TPO: variants seen among roughly 807,000 people sequenced by gnomAD.
TPO encodes thyroid peroxidase.
A neutral mutation model predicts 96.9 loss-of-function variants in TPO; 78 were observed. The observed-to-expected ratio is 0.81, with a 90% confidence interval of 0.67 to 0.97. The LOEUF is 0.97. Ranked by LOEUF, TPO falls within the 50% of genes least tolerant of loss-of-function variation. TPO has a pLI of 0.00. For synonymous variants in TPO, 547 were observed against 538.0 expected (o/e 1.02, Z -0.23); for missense variants, 1,252 against 1,274.8 (o/e 0.98, Z 0.27).
intron 14 of TPO, among the ~76,000 whole-genome samples, chr2:1,516,659 GCCCTGTGTC>G (rs1219458678): frequency 6.6e-6 from 1 of 152,206 alleles, no homozygotes; most frequent in African/African-American, 2.4e-5. Flanking sequence ...TAACTTCTCT[GCCCTGTGTC>G]CCCTGCTGGC....
At chr2:1,529,935 TCCCCATATCCC>T (rs1677674671) in intron 15 of TPO, among the ~76,000 whole-genome samples, 1 of 10,570 alleles carries the variant, frequency 9.5e-5, no homozygotes, top group Non-Finnish European at 1.8e-4. Flanking sequence ...CCTTGCAGCC[TCCCCATATCCC>T]CCCAACTCTG....
chr2:1,538,122 CACTGTGTTCAACCTTCTCAAATACCCCAT>C (rs1331799142), intron 15 of TPO, among the ~76,000 whole-genome samples: 8 of 110,596 alleles, frequency 7.2e-5, no homozygotes, highest in East Asian at 2.1e-4. Context: ...CAAATCCCCG[CACTGTGTTCAACCTTCTCAAATACCCCAT>C]ACTGTGTACA....
intron 1 of TPO, among the ~76,000 whole-genome samples, chr2:1,390,087 G>A (rs567251212): frequency 5.3e-4 from 80 of 151,064 alleles, no homozygotes; most frequent in Non-Finnish European, 1.1e-3. Context: ...TGATACATGG[G>A]TGTACATGTG....
chr2:1,489,332 G>A lies in TPO; in HGVS notation c.1768+1341G>A, dbSNP rs147931599. On this transcript the variant is annotated intron_variant, in intron 10 of 16. Coordinates refer to ENST00000329066, the MANE Select transcript of TPO (RefSeq NM_001206744.2). ...CCCACACATGCCCAGCACACACCTTGCCTCTGGCTGGGACCCCCTTTGCTG... is the reference window on the plus strand; with the variant it reads ...CCCACACATGCCCAGCACACACCTTACCTCTGGCTGGGACCCCCTTTGCTG... 1.7e-3 allele frequency among the ~76,000 whole-genome samples: 257 copies of A among 152,072 alleles called. 1 individual carries two copies. The highest frequency in any genetic ancestry group is 6.1e-3 in the African/African-American group (253 of 41,484).
rs1004886709 is a variant in TPO, at chr2:1,541,273, C to T, written c.2748+550C>T. On this transcript the variant is annotated intron_variant, in intron 16 of 16. Transcript: ENST00000329066. The stretch of plus-strand genomic sequence containing the variant: ...CTGGTCACAGGCACAAAGTCTCAGG[C>T]AGGAGGAGGGCGCCTCAGGTCTGCT... The T allele has an allele frequency of 1.1e-5, 11 of 980,152 alleles. No individual in the cohort carries two copies. In the African/African-American group the frequency reaches 1.2e-4, roughly 11 times the overall value. 60.7% of individuals were successfully genotyped at this position (980,152 alleles called of 1,614,324 possible).
At chr2:1,482,170 C>T (rs1200372648) in intron 8 of TPO, among the ~76,000 whole-genome samples, 3 of 152,210 alleles carry the variant, frequency 2.0e-5, no homozygotes, top group East Asian at 1.9e-4. Flanking sequence ...CCAGGGGCTA[C>T]GCGGCTGTTT....
chr2:1,391,579 G>A (rs1474866485), intron 1 of TPO, among the ~76,000 whole-genome samples: 2 of 152,072 alleles, frequency 1.3e-5, no homozygotes, highest in African/African-American at 2.4e-5. Flanking sequence ...GATGGGGATG[G>A]CATTGAATCT....
intron 4 of TPO, among the ~76,000 whole-genome samples, chr2:1,435,858 C>T (rs1014251954): frequency 1.3e-5 from 2 of 152,142 alleles, no homozygotes; most frequent in African/African-American, 2.4e-5. Flanking sequence ...TCTTCTAAAG[C>T]ACTGGGGCCA....
At chr2:1,512,307 C>A in intron 14 of TPO, 1 of 736,588 alleles carries the variant, frequency 1.4e-6, no homozygotes, top group Non-Finnish European at 1.7e-6. Context: ...CCAAATGTGT[C>A]TCTAGAGTTG....
intron 10 of TPO, 111 bp from the exon 11 acceptor site, chr2:1,493,691 C>G (rs1229568882): frequency 3.1e-6 from 4 of 1,287,796 alleles, no homozygotes; most frequent in Non-Finnish European, 4.5e-6. Context: ...CAGGGTGGGA[C>G]AGGACTCTGC....
intron 7 of TPO, among the ~76,000 whole-genome samples, chr2:1,461,221 TG>T (rs1319168343): frequency 2.0e-5 from 3 of 152,156 alleles, no homozygotes; most frequent in Non-Finnish European, 4.4e-5. Flanking sequence ...GGTCACGTGA[TG>T]GTTGTGGTGA....
chr2:1,496,351 G>A (rs1381122529), intron 12 of TPO, among the ~76,000 whole-genome samples, 154 bp downstream of exon 12: 2 of 147,882 alleles, frequency 1.4e-5, no homozygotes, highest in African/African-American at 2.7e-5. Context: ...GGGGCGGGGC[G>A]GGGCGGGGCG....
At chr2:1,374,791 G>A (rs540309358) in intron 1 of TPO, among the ~76,000 whole-genome samples, 10 of 148,180 alleles carry the variant, frequency 6.7e-5, no homozygotes, top group East Asian at 4.0e-4. Flanking sequence ...GCAATGGCTC[G>A]ATCTCGGCCC....
intron 14 of TPO, among the ~76,000 whole-genome samples, chr2:1,513,259 C>T (rs57771059): frequency 0.39 from 59,158 of 152,100 alleles, 11,639 homozygotes; most frequent in East Asian, 0.55. Flanking sequence ...GCAGAGGCCT[C>T]GGCTGAGTGG....
chr2:1,393,731 T>TA (rs1226972128), intron 1 of TPO, among the ~76,000 whole-genome samples: 1 of 152,244 alleles, frequency 6.6e-6, no homozygotes, highest in Non-Finnish European at 1.5e-5. Flanking sequence ...GTCAATACTT[T>TA]ATCCAGGAAA....
chr2:1,454,025 TAGTG>T (rs1242754024), intron 6 of TPO, among the ~76,000 whole-genome samples: 1 of 152,160 alleles, frequency 6.6e-6, no homozygotes, highest in African/African-American at 2.4e-5. Flanking sequence ...TGAAATCTCT[TAGTG>T]AGTGGAACCC....
intron 7 of TPO, among the ~76,000 whole-genome samples, chr2:1,472,331 CCTT>C (rs1409606100): frequency 6.6e-6 from 1 of 151,854 alleles, no homozygotes; most frequent in Non-Finnish European, 1.5e-5. Context: ...CATGGTGTGT[CCTT>C]CTGATGATCT....
chr2:1,534,686 C>A (rs1679153639), intron 15 of TPO, among the ~76,000 whole-genome samples: 1 of 144,598 alleles, frequency 6.9e-6, no homozygotes, highest in African/African-American at 2.6e-5. Context: ...TGTGCAACTT[C>A]CAAAAATCCC....
intron 15 of TPO, among the ~76,000 whole-genome samples, chr2:1,526,350 CAATT>C (rs1676496064): frequency 9.7e-6 from 1 of 102,940 alleles, no homozygotes; most frequent in African/African-American, 3.6e-5. Flanking sequence ...TGTGCAACCT[CAATT>C]CCCCCCACTG....
Sources: allele counts gnomAD v4.1 joint callset (sites outside exome capture counted in the v4.1 genomes callset), GRCh38; gene constraint gnomAD v4.1.1; transcripts MANE v1.5; gene names NCBI Gene and HGNC (gene_info 2026-07-23, HGNC 2026-07-21).